Variants in KIDINS220 observed in about 807,000 individuals in gnomAD.
The protein encoded by KIDINS220 is kinase D-interacting substrate of 220 kDa.
Under a neutral mutation model 157.6 loss-of-function variants are expected in KIDINS220, and 63 were observed. The ratio of observed to expected loss-of-function variants is 0.40; its 90% CI spans 0.33 to 0.49. KIDINS220 has a LOEUF of 0.49. Ranked by LOEUF, KIDINS220 falls within the 20% of genes least tolerant of loss-of-function variation. The pLI is 0.66. For synonymous variants in KIDINS220, 732 were observed against 783.6 expected (o/e 0.93, Z 1.10); for missense variants, 1,772 against 2,171.2 (o/e 0.82, Z 3.65).
chr2:8,795,478 G>A lies in KIDINS220; in HGVS notation c.1098+1293C>T, dbSNP rs1262614461. On this transcript the variant is annotated intron_variant, in intron 11 of 29. Coordinates refer to ENST00000256707, the MANE Select transcript of KIDINS220 (RefSeq NM_020738.4). Reference sequence around the variant, plus strand: ...GGGCAAGGTAAAAATAACATTAATCGTCACTTTTAAAATTGTTTTTATGAA... The same window carrying A: ...GGGCAAGGTAAAAATAACATTAATCATCACTTTTAAAATTGTTTTTATGAA... Among the ~76,000 whole-genome samples, 9 of 152,112 alleles carry A rather than the reference G, an allele frequency of 5.9e-5. No homozygotes were observed. The South Asian group carries it at 1.2e-3, about 21-fold the overall frequency.
Position 8,730,766 on chromosome 2 carries a change from G to A in KIDINS220, c.5270C>T (p.Ser1757Phe), listed in dbSNP as rs1558298283. ...TTCTCCAAAGCCTGTGCTCTCAGAA[G>A]AGGCTGCTGCATGGAGCTCCGGAGG... is the stretch of plus-strand genomic sequence containing the variant. ...KDPPELHAAA[S>F]SESTGFGEER... Residue 1757 changes from serine to phenylalanine, a missense_variant, in exon 30 of 30, where the codon TCT becomes TTT. By Grantham distance (155) the Ser-to-Phe change is radical (BLOSUM62 -2). Around this residue, in one of 3 missense-constraint regions of KIDINS220, gnomAD observed 793 missense variants for 885.5 expected, o/e 0.90. Coordinates refer to ENST00000256707, the MANE Select transcript of KIDINS220 (RefSeq NM_020738.4). 1.9e-6 allele frequency: 3 copies of A among 1,614,244 alleles called. No individual in the cohort carries two copies. The highest frequency in any genetic ancestry group is 1.7e-5 in the Admixed American group (1 of 60,028).
intron 22 of KIDINS220, among the ~76,000 whole-genome samples, chr2:8,759,244 G>A (rs1668438948): frequency 6.6e-6 from 1 of 152,132 alleles, no homozygotes; most frequent in Non-Finnish European, 1.5e-5. Flanking sequence ...TGACTTATGT[G>A]TTTAAGGACG....
chr2:8,734,875 G>A (rs935859279), intron 27 of KIDINS220, 122 bp from the exon 28 acceptor site: 1 of 615,914 alleles, frequency 1.6e-6, no homozygotes, highest in Non-Finnish European at 2.7e-6. Flanking sequence ...CAGAAAGGCT[G>A]ACCAAAAAAA....
intron 22 of KIDINS220, among the ~76,000 whole-genome samples, chr2:8,765,696 C>T (rs1179933381): frequency 2.0e-5 from 3 of 152,072 alleles, no homozygotes; most frequent in South Asian, 4.1e-4. Context: ...TATAACCCAA[C>T]TTTTATTATC....
chr2:8,734,710 T>A lies in KIDINS220; in HGVS notation c.3761A>T (p.Glu1254Val), dbSNP rs773517730. ...ATTCATATTCATCTCTTTCTTCAGCTCATCAATGTTACACTGAGCTAACAC... is the reference window on the plus strand; with the variant it reads ...ATTCATATTCATCTCTTTCTTCAGCACATCAATGTTACACTGAGCTAACAC... ...GRVLAQCNID[E>V]LKKEMNMNFG... The change falls in exon 28 of 30, where the codon GAG becomes GTG. Residue 1254 changes from glutamate (E) to valine (V), a missense_variant. Physicochemically the swap from Glu to Val is moderately radical, Grantham distance 121. Around this residue, in one of 3 missense-constraint regions of KIDINS220, gnomAD observed 793 missense variants for 885.5 expected, o/e 0.90. Coordinates refer to ENST00000256707, the MANE Select transcript of KIDINS220 (RefSeq NM_020738.4). The A allele has an allele frequency of 6.2e-7, 1 of 1,613,666 alleles. No individual in the cohort carries two copies.
chr2:8,831,204 G>A (rs183197526), intron 1 of KIDINS220, among the ~76,000 whole-genome samples: 1 of 152,322 alleles, frequency 6.6e-6, no homozygotes, highest in Non-Finnish European at 1.5e-5. Context: ...TCTCCACTGA[G>A]CAGAGTGAAA....
chr2:8,785,591 T>C, intron 17 of KIDINS220, 150 bp downstream of exon 17: 2 of 755,898 alleles, frequency 2.6e-6, no homozygotes, highest in Non-Finnish European at 4.2e-6. Context: ...AATTATAGTC[T>C]TGAATGAACG....
At chr2:8,744,389 ATATATATATAT>A (rs1485567813) in intron 26 of KIDINS220, among the ~76,000 whole-genome samples, 303 of 27,878 alleles carry the variant, frequency 0.011, 49 homozygotes, top group African/African-American at 0.04. Context: ...AAAAAAAAAA[ATATATATATAT>A]AATATATATA....
chr2:8,790,014 T>C lies in KIDINS220; in HGVS notation c.1487A>G (p.Gln496Arg), dbSNP rs1269613060. The C allele has an allele frequency of 1.9e-6, 3 of 1,608,500 alleles. No individual in the cohort carries two copies. Among genetic ancestry groups the C allele is most frequent in the East Asian group, 4.5e-5 (2 of 44,838 alleles). Residue 496 changes from glutamine (Q) to arginine (R), a missense_variant, in exon 14 of 30, where the codon CAG becomes CGG. Gln to Arg is a conservative substitution (Grantham distance 43). Transcript: ENST00000256707. ...FAGQQIEPLF[Q>R]FSWLIVFLTL... ...AAGAAACACTATGAGCCATGAGAAC[T>C]GAAAGAGAGGCTCAATCTGTTGTCC... is the stretch of plus-strand genomic sequence containing the variant.
intron 17 of KIDINS220, among the ~76,000 whole-genome samples, chr2:8,781,426 T>G (rs1013987189): frequency 1.3e-4 from 19 of 151,702 alleles, no homozygotes; most frequent in Non-Finnish European, 2.8e-4. Flanking sequence ...AACTGACACC[T>G]ACACTTATTT....
At position 8,779,683 on chromosome 2, in the gene KIDINS220, C is replaced by A. The variant is rs745460794; in HGVS notation, c.2361G>T (p.Met787Ile). The A allele has an allele frequency of 1.9e-6, 3 of 1,613,892 alleles. No homozygotes were observed. The highest frequency in any genetic ancestry group is 2.5e-6 in the Non-Finnish European group (3 of 1,179,806). The change falls in exon 18 of 30, where the codon ATG becomes ATT. Residue 787 changes from methionine (M) to isoleucine (I), a missense_variant. Met to Ile is a conservative substitution (Grantham distance 10). This residue lies in a region of KIDINS220 where 725 missense variants were observed against 1,017.1 expected (regional missense o/e 0.71). Transcript: ENST00000256707. ...GGTGGCGCAAACGTACAGTGTCCAG[C>A]ATCTGAAGGACTTTGTCCTGCTCAC... is the stretch of plus-strand genomic sequence containing the variant. ...DACEQDKVLQ[M>I]LDTVRVLFSK... is the part of the protein sequence containing the mutation.
chr2:8,747,683 C>T (rs1333419092), intron 25 of KIDINS220: 8 of 401,642 alleles, frequency 2.0e-5, no homozygotes, highest in South Asian at 1.1e-4. Context: ...AACATTTCTT[C>T]GCTGAGACTG....
intron 22 of KIDINS220, among the ~76,000 whole-genome samples, chr2:8,753,290 A>G (rs1667598999): frequency 6.6e-6 from 1 of 152,210 alleles, no homozygotes; most frequent in South Asian, 2.1e-4. Flanking sequence ...AATCCAACCA[A>G]TAAAGAGTGT....
At chr2:8,802,823 TA>T in intron 8 of KIDINS220, 106 bp downstream of exon 8, 1 of 831,038 alleles carries the variant, frequency 1.2e-6, no homozygotes, top group Non-Finnish European at 1.8e-6. Flanking sequence ...AAACTTATTT[TA>T]AAACAAGTTT....
intron 21 of KIDINS220, among the ~76,000 whole-genome samples, chr2:8,771,720 T>C (rs1670263444): frequency 6.6e-6 from 1 of 152,172 alleles, no homozygotes; most frequent in South Asian, 2.1e-4. Context: ...GATATACATA[T>C]AGATATATAA....
Position 8,733,644 on chromosome 2 carries a change from G to A in KIDINS220, c.3853C>T (p.Pro1285Ser). ...TCACTGAGGAAACGTGGGTCTTCAG[G>A]GACCACGTGGCTTTCTGCGTTTCTC... ...EMRNAESHVV[P>S]EDPRFLSESS... The change falls in exon 29 of 30, where the codon CCT (proline) becomes TCT (serine). Residue 1285 changes from proline to serine, a missense_variant. Pro to Ser is a moderately conservative substitution (Grantham distance 74). Coordinates refer to ENST00000256707, the MANE Select transcript of KIDINS220 (RefSeq NM_020738.4). 6.3e-7 allele frequency: 1 copy of A among 1,595,994 alleles called. No individual in the cohort carries two copies. The highest frequency in any genetic ancestry group is 1.7e-4 in the Middle Eastern group (1 of 5,962).
chr2:8,785,462 G>A (rs1193579381), intron 17 of KIDINS220, among the ~76,000 whole-genome samples: 1 of 152,164 alleles, frequency 6.6e-6, no homozygotes, highest in African/African-American at 2.4e-5. Flanking sequence ...TGTAACAAAT[G>A]TACTGCTCTG....
chr2:8,802,623 TG>T (rs1674881587), intron 8 of KIDINS220, among the ~76,000 whole-genome samples: 1 of 152,050 alleles, frequency 6.6e-6, no homozygotes, highest in African/African-American at 2.4e-5. Flanking sequence ...CAGGTAGAGG[TG>T]GATCAGTAAG....
chr2:8,763,830 T>C (rs1339339778), intron 22 of KIDINS220, among the ~76,000 whole-genome samples: 1 of 152,158 alleles, frequency 6.6e-6, no homozygotes, highest in African/African-American at 2.4e-5. Flanking sequence ...GAAAACAGTA[T>C]GGAGATTTCC....
Sources: gnomAD v4.1 joint callset for allele counts (sites outside exome capture counted in the v4.1 genomes callset) on GRCh38, gnomAD v4.1.1 for gene constraint, gnomAD v4.1.1 regional missense constraint, MANE v1.5 for transcripts, NCBI Gene and HGNC (gene_info 2026-07-23, HGNC 2026-07-21) for gene names.